The following SMCO2 variants were observed in gnomAD, a reference collection of about 807,000 sequenced individuals.
SMCO2 encodes the protein single-pass membrane and coiled-coil domain-containing protein 2.
SMCO2 carries 25 observed loss-of-function variants against 29.5 expected under a neutral mutation model. That is an observed-to-expected ratio of 0.85 (90% CI 0.62 to 1.18). The LOEUF (loss-of-function observed/expected upper bound fraction) is 1.18, where lower values mean the gene tolerates loss of function less well. Among genes scored for constraint, SMCO2 ranks in the 50% most tolerant of loss-of-function variants. The probability of loss-of-function intolerance (pLI) is 0.00; values close to 1 mark genes in which losing one functional copy is unlikely to be tolerated. For missense variants in SMCO2, 348 were observed against 344.5 expected (o/e 1.01, Z -0.08); for synonymous variants, 117 against 123.3 (o/e 0.95, Z 0.34).
upstream of SMCO2, among the ~76,000 whole-genome samples, chr12:27,466,536 C>T (rs760681251): frequency 3.9e-5 from 6 of 152,248 alleles, no homozygotes; most frequent in South Asian, 6.2e-4. Context: ...AAGTGAGAGA[C>T]GAAAGGAGCA....
At chr12:27,437,826 G>A in the SMCO2 span, among the ~76,000 whole-genome samples, 7 of 152,168 alleles carry the variant, frequency 4.6e-5, no homozygotes, top group African/African-American at 1.7e-4. Context: ...CTCTGTATCT[G>A]ATTTCCCCTC....
chr12:27,471,084 G>A (rs1156411436), intron 2 of SMCO2, among the ~76,000 whole-genome samples: 1 of 151,950 alleles, frequency 6.6e-6, no homozygotes, highest in African/African-American at 2.4e-5. Context: ...ATACTTTCTG[G>A]CATAGAGGGA....
At chr12:27,449,771 T>A in the SMCO2 span, among the ~76,000 whole-genome samples, 1 of 152,182 alleles carries the variant, frequency 6.6e-6, no homozygotes, top group Non-Finnish European at 1.5e-5. Flanking sequence ...GGCTGGGTAT[T>A]TCCATTGTCC....
At chr12:27,494,545 T>C (rs1942974995) in intron 6 of SMCO2, among the ~76,000 whole-genome samples, 189 bp downstream of exon 7, 1 of 150,312 alleles carries the variant, frequency 6.7e-6, no homozygotes, top group Non-Finnish European at 1.5e-5. Flanking sequence ...CTGGGTTACA[T>C]ATGCAGAACA....
intron 5 of SMCO2, among the ~76,000 whole-genome samples, chr12:27,493,338 TA>T (rs902919066): frequency 1.1e-4 from 17 of 150,154 alleles, no homozygotes; most frequent in African/African-American, 3.2e-4. Context: ...AAATAAAAGT[TA>T]AAAAAAAAGA....
At chr12:27,456,110 G>A in the SMCO2 span, among the ~76,000 whole-genome samples, 2 of 152,338 alleles carry the variant, frequency 1.3e-5, no homozygotes, top group Non-Finnish European at 2.9e-5. Flanking sequence ...AGCTACTCGG[G>A]AGGCTGAGGC....
At chr12:27,486,642 A>C (rs997696735) in intron 4 of SMCO2, among the ~76,000 whole-genome samples, 1 of 152,218 alleles carries the variant, frequency 6.6e-6, no homozygotes, top group African/African-American at 2.4e-5. Context: ...TCCACATTAC[A>C]TTATAATCTT....
the SMCO2 span, among the ~76,000 whole-genome samples, chr12:27,456,454 C>T: frequency 6.6e-6 from 1 of 151,918 alleles, no homozygotes; most frequent in South Asian, 2.1e-4. Context: ...GTAACCTGGT[C>T]GGCAGAGGGG....
chr12:27,495,606 C>G, intron 6 of SMCO2, 74 bp from the exon 8 acceptor site: 1 of 1,327,620 alleles, frequency 7.5e-7, no homozygotes, highest in African/African-American at 1.5e-5. Context: ...AGGAAAAGCA[C>G]TCAGCATTAT....
At chr12:27,483,546 G>A (rs536908365) in intron 4 of SMCO2, among the ~76,000 whole-genome samples, 2 of 151,994 alleles carry the variant, frequency 1.3e-5, no homozygotes, top group East Asian at 3.9e-4. Context: ...AGCTTCCTGA[G>A]TAGCTGGGAC....
chr12:27,461,938 T>A (rs1949461987), upstream of SMCO2, among the ~76,000 whole-genome samples: 1 of 152,256 alleles, frequency 6.6e-6, no homozygotes, highest in Non-Finnish European at 1.5e-5. Context: ...TACAATCCTG[T>A]AGCACTTACA....
chr12:27,431,318 A>G, the SMCO2 span, among the ~76,000 whole-genome samples: 3 of 152,086 alleles, frequency 2.0e-5, no homozygotes, highest in Non-Finnish European at 2.9e-5. Flanking sequence ...TCAATTTACT[A>G]CCTTAACACT....
chr12:27,491,115 T>C (rs534711364), intron 5 of SMCO2, among the ~76,000 whole-genome samples: 9 of 152,006 alleles, frequency 5.9e-5, no homozygotes, highest in Non-Finnish European at 7.4e-5. Flanking sequence ...AAAGGAGAAA[T>C]TAGTTAATAA....
At chr12:27,492,416 G>T (rs571123166) in intron 5 of SMCO2, among the ~76,000 whole-genome samples, 2 of 152,088 alleles carry the variant, frequency 1.3e-5, no homozygotes, top group Admixed American at 1.3e-4. Flanking sequence ...CTATTTCTGA[G>T]GCTGGGCATG....
Position 27,474,954 on chromosome 12 carries a change from G to A in SMCO2, c.362+41G>A, listed in dbSNP as rs1345543596. 5 of 1,537,198 alleles carry A rather than the reference G, an allele frequency of 3.3e-6. No individual in the cohort carries two copies. The African/African-American group carries it at 5.5e-5, about 17-fold the overall frequency. Reference sequence around the variant, plus strand: ...TGCAAGACAGAGCATTTAATAATGTGTGGAGGGGAAAATAGAATTTAAGCA... The same window carrying A: ...TGCAAGACAGAGCATTTAATAATGTATGGAGGGGAAAATAGAATTTAAGCA... On this transcript the variant is annotated intron_variant, in intron 4 of 7. Coordinates refer to ENST00000298876, the Ensembl canonical transcript of SMCO2.
chr12:27,453,848 G>A, the SMCO2 span, among the ~76,000 whole-genome samples: 1 of 152,106 alleles, frequency 6.6e-6, no homozygotes, highest in Non-Finnish European at 1.5e-5. Context: ...TATAAGACTT[G>A]CCAAACTTAT....
chr12:27,481,942 G>A (rs1949646835), intron 4 of SMCO2, among the ~76,000 whole-genome samples: 1 of 150,324 alleles, frequency 6.7e-6, no homozygotes, highest in African/African-American at 2.4e-5. Flanking sequence ...AAAAGACCCA[G>A]CTTTTGATTT....
the SMCO2 span, among the ~76,000 whole-genome samples, chr12:27,445,834 T>C: frequency 2.0e-5 from 3 of 152,290 alleles, no homozygotes; most frequent in Admixed American, 2.0e-4. Context: ...GCATGGTCTG[T>C]TTCTGGTGAG....
the SMCO2 span, among the ~76,000 whole-genome samples, chr12:27,448,977 C>T: frequency 1.3e-5 from 2 of 152,258 alleles, no homozygotes; most frequent in East Asian, 3.9e-4. Context: ...AGAAGGCAAG[C>T]GGTGGGAAAC....
Sources: gnomAD v4.1 joint callset for allele counts (sites outside exome capture counted in the v4.1 genomes callset) on GRCh38, gnomAD v4.1.1 for gene constraint, MANE v1.5 for transcripts, NCBI Gene and HGNC (gene_info 2026-07-23, HGNC 2026-07-21) for gene names.